The following TDRD9 variants were observed in gnomAD, a reference collection of about 807,000 sequenced individuals.
TDRD9 encodes the protein tudor domain containing 9.
TDRD9 carries 124 observed loss-of-function variants against 172.6 expected under a neutral mutation model. The ratio of observed to expected loss-of-function variants is 0.72; its 90% CI spans 0.62 to 0.83. TDRD9 has a LOEUF of 0.83. Among genes scored for constraint, TDRD9 ranks in the 40% least tolerant of loss-of-function variants. TDRD9 has a pLI of 0.00. For missense variants in TDRD9, 1,479 were observed against 1,714.1 expected (o/e 0.86, Z 2.42); for synonymous variants, 619 against 617.1 (o/e 1.00, Z -0.05).
At chr14:103,943,135 T>G (rs2031340929) in intron 1 of TDRD9, among the ~76,000 whole-genome samples, 1 of 151,714 alleles carries the variant, frequency 6.6e-6, no homozygotes, top group African/African-American at 2.4e-5. Flanking sequence ...CTTTTTTCTT[T>G]CTTTCTTTTT....
intron 1 of TDRD9, among the ~76,000 whole-genome samples, chr14:103,938,014 A>G (rs1213489562): frequency 2.0e-5 from 3 of 152,028 alleles, no homozygotes; most frequent in African/African-American, 7.2e-5. Flanking sequence ...GGCAGCCTGG[A>G]TGTGAATCTC....
rs766847242 is a variant in TDRD9, at chr14:104,026,152, C to T, written c.3021+16C>T. 6.6e-7 allele frequency: 1 copy of T among 1,519,534 alleles called. No individual in the cohort carries two copies. Among genetic ancestry groups the T allele is most frequent in the Admixed American group, 1.7e-5 (1 of 59,812 alleles). 94.1% of individuals were successfully genotyped at this position (1,519,534 alleles called of 1,614,324 possible). ...TCCTTTCCAGGTAAGGTAGAGAAGA[C>T]TCTAGGGAATGAATGCTGCATGCTG... On this transcript the variant is annotated intron_variant, in intron 27 of 35. Coordinates refer to ENST00000409874, the MANE Select transcript of TDRD9 (RefSeq NM_153046.3).
intron 1 of TDRD9, among the ~76,000 whole-genome samples, chr14:103,943,467 TATACACACATATATA>T (rs1183218472): frequency 4.0e-5 from 6 of 150,442 alleles, no homozygotes; most frequent in East Asian, 1.9e-4. Flanking sequence ...TATATATAAA[TATACACACATATATA>T]ATACACACAT....
chr14:104,049,409 C>G (rs1162984976), intron 34 of TDRD9, 199 bp from the exon 35 acceptor site: 7 of 419,562 alleles, frequency 1.7e-5, no homozygotes, highest in Non-Finnish European at 1.3e-5. Flanking sequence ...ATCTGTCACA[C>G]TCCATTTCTT....
chr14:104,027,134 G>T (rs747502134), intron 28 of TDRD9, among the ~76,000 whole-genome samples, 195 bp downstream of exon 28: 3 of 152,132 alleles, frequency 2.0e-5, no homozygotes, highest in Non-Finnish European at 2.9e-5. Flanking sequence ...AAGTATGGTG[G>T]CTGGGTATTG....
chr14:103,971,204 T>C lies in TDRD9; in HGVS notation c.846+583T>C, dbSNP rs569516788. On this transcript the variant is annotated intron_variant, in intron 6 of 35. Transcript: ENST00000409874. ...TTCATCGTGTTAGCCAGGATGGTCT[T>C]GATCTCCTGACCTCGTGATCCGCCC... is the stretch of plus-strand genomic sequence containing the variant. Among the ~76,000 whole-genome samples, 150 of 152,108 alleles carry C rather than the reference T, an allele frequency of 9.9e-4. 2 individuals carry two copies. Among genetic ancestry groups the C allele is most frequent in the African/African-American group, 2.8e-3 (118 of 41,486 alleles).
At chr14:104,045,710 T>TGA (rs1379751055) in intron 34 of TDRD9, among the ~76,000 whole-genome samples, 1 of 152,232 alleles carries the variant, frequency 6.6e-6, no homozygotes, top group Non-Finnish European at 1.5e-5. Context: ...GTCATCATTG[T>TGA]GAGAGAGGGT....
rs752051282 is a variant in TDRD9, at chr14:103,966,736, G to T, written c.670G>T (p.Asp224Tyr). ...QVGLEKIATE[D>Y]TRLIYMTTGV... The stretch of plus-strand genomic sequence containing the variant: ...AGGGCTAGAGAAAATAGCAACAGAG[G>T]ACACCAGGCTAATTTATATGACAAC... The change falls in exon 5 of 36, where the codon GAC (aspartate) becomes TAC (tyrosine). Residue 224 changes from aspartate to tyrosine, a missense_variant. Physicochemically the swap from Asp to Tyr is radical, Grantham distance 160 (BLOSUM62 -3). This residue lies in a region of TDRD9 where 1,413 missense variants were observed against 1,649.1 expected (regional missense o/e 0.86). Coordinates refer to ENST00000409874, the MANE Select transcript of TDRD9 (RefSeq NM_153046.3). The T allele has an allele frequency of 1.9e-5, 30 of 1,549,080 alleles. No individual in the cohort carries two copies. The highest frequency in any genetic ancestry group is 2.4e-5 in the South Asian group (2 of 83,686).
At position 103,975,678 on chromosome 14, in the gene TDRD9, A is replaced by G. The variant is rs2033208151; in HGVS notation, c.1011+125A>G. 2.2e-5 allele frequency: 21 copies of G among 933,936 alleles called. 1 individual carries two copies. In the South Asian group the frequency reaches 4.1e-4, roughly 18 times the overall value. 57.9% of individuals were successfully genotyped at this position (933,936 alleles called of 1,614,324 possible). A position where few individuals can be genotyped will look rare whatever the true frequency, so the allele number is the denominator to read the frequency against. Reference sequence around the variant, plus strand: ...ATTATTTTAAAATTGATGCATACTAAGTGTACATATTTATGGAGTATAGTG... The same window carrying G: ...ATTATTTTAAAATTGATGCATACTAGGTGTACATATTTATGGAGTATAGTG... On this transcript the variant is annotated intron_variant, in intron 7 of 35. Coordinates refer to ENST00000409874, the MANE Select transcript of TDRD9 (RefSeq NM_153046.3).
In TDRD9 at chr14:103,969,432, AAG is replaced by A. The variant is rs370647207; in HGVS notation, c.766-1104_766-1103del. On this transcript the variant is annotated intron_variant, in intron 5 of 35. Transcript: ENST00000409874. ...AGCCTTGATTTTTCTTCTCAAGTAA[AAG>A]AGAGGATGTTTGTGCTGAGGAAATG... 5.3e-4 allele frequency among the ~76,000 whole-genome samples: 81 copies of A among 152,262 alleles called. 2 individuals are homozygous for A. In the East Asian group the frequency reaches 0.014, roughly 27 times the overall value.
Position 103,991,089 on chromosome 14 carries a change from A to G in TDRD9, c.1116-71A>G, listed in dbSNP as rs913225224. ...CCTTTCAGGATTAAAAGCCTGTAATATTAGGATTTTAGAGAAGCAATAGCT... is the reference window on the plus strand; with the variant it reads ...CCTTTCAGGATTAAAAGCCTGTAATGTTAGGATTTTAGAGAAGCAATAGCT... On this transcript the variant is annotated intron_variant, in intron 8 of 35. Transcript: ENST00000409874. 2.6e-6 allele frequency: 4 copies of G among 1,565,152 alleles called. No homozygotes were observed. In the Admixed American group the frequency reaches 6.8e-5, roughly 27 times the overall value.
chr14:103,986,373 ATTAT>A (rs568903638), intron 8 of TDRD9, 53 bp downstream of exon 8: 3 of 1,326,098 alleles, frequency 2.3e-6, no homozygotes, highest in South Asian at 1.3e-5. Context: ...GATTTAAAAA[ATTAT>A]TCATTTGGAA....
intron 2 of TDRD9, among the ~76,000 whole-genome samples, chr14:103,960,611 A>G (rs1421941180): frequency 1.3e-5 from 2 of 152,196 alleles, no homozygotes; most frequent in Non-Finnish European, 2.9e-5. Flanking sequence ...AGCTGGGAAC[A>G]TTTCTGCTGT....
At chr14:103,941,186 G>A (rs1338127327) in intron 1 of TDRD9, 8 of 1,128,576 alleles carry the variant, frequency 7.1e-6, no homozygotes, top group South Asian at 1.6e-5. Flanking sequence ...CTTGAATAAT[G>A]TATACAAGTT....
chr14:103,956,135 TATATATATATATATAA>T lies in TDRD9; in HGVS notation c.322+366_322+381del, dbSNP rs1332034068. 2.9e-3 allele frequency among the ~76,000 whole-genome samples: 281 copies of T among 97,366 alleles called. 3 individuals carry two copies. Among genetic ancestry groups the T allele is most frequent in the Non-Finnish European group, 4.1e-3 (219 of 53,284 alleles). 63.9% of individuals were successfully genotyped at this position (97,366 alleles called of 152,430 possible). On this transcript the variant is annotated intron_variant, in intron 2 of 35. Transcript: ENST00000409874. The stretch of plus-strand genomic sequence containing the variant: ...AAATATATATATATATATATATATA[TATATATATATATATAA>T]TTATTAGGCCAGGCGCAGTGGCTCA...
At chr14:104,037,102 A>C (rs1200297759) in intron 32 of TDRD9, among the ~76,000 whole-genome samples, 1 of 151,174 alleles carries the variant, frequency 6.6e-6, no homozygotes, top group East Asian at 2.0e-4. Context: ...CAGCTGTTTG[A>C]TTTGGGATGA....
chr14:103,981,430 C>T (rs1348370486), intron 7 of TDRD9, among the ~76,000 whole-genome samples: 1 of 152,170 alleles, frequency 6.6e-6, no homozygotes, highest in Non-Finnish European at 1.5e-5. Context: ...CCCAGGGCCC[C>T]CTTGCCTCAT....
intron 1 of TDRD9, chr14:103,939,750 T>TTTTTG (rs1555362795): frequency 4.1e-5 from 2 of 48,458 alleles, no homozygotes; most frequent in African/African-American, 5.8e-5. Flanking sequence ...AGTGTTTTTT[T>TTTTTG]TTTTTTTTTT....
At position 103,955,781 on chromosome 14, in the gene TDRD9, C is replaced by A; in HGVS notation, c.322+11C>A. The A allele has an allele frequency of 1.9e-6, 3 of 1,546,522 alleles. No homozygotes were observed. Among genetic ancestry groups the A allele is most frequent in the Non-Finnish European group, 2.6e-6 (3 of 1,143,508 alleles). Reference sequence around the variant, plus strand: ...CAACCAGTGGGCCAGGTAAACAGGTCTCTTTAAATATTTTAGATAGGATGC... The same window carrying A: ...CAACCAGTGGGCCAGGTAAACAGGTATCTTTAAATATTTTAGATAGGATGC... On this transcript the variant is annotated intron_variant, in intron 2 of 35. Transcript: ENST00000409874.
Sources: allele counts gnomAD v4.1 joint callset (sites outside exome capture counted in the v4.1 genomes callset), GRCh38; gene constraint gnomAD v4.1.1; regional missense constraint gnomAD v4.1.1; transcripts MANE v1.5; gene names NCBI Gene and HGNC (gene_info 2026-07-23, HGNC 2026-07-21).